The following SON variants were observed in gnomAD, a reference collection of about 807,000 sequenced individuals.
The protein encoded by SON is SON DNA and RNA binding protein.
In SON, 4 loss-of-function variants were observed where a neutral mutation model predicts 173.3. The observed-to-expected ratio is 0.02, with a 90% CI of 0.01 to 0.05. SON has a LOEUF of 0.05. SON is among the 10% of genes least tolerant of loss of function. The pLI is 1.00. For synonymous variants in SON, 1,190 were observed against 1,105.9 expected (o/e 1.08, Z -1.51); for missense variants, 2,626 against 3,055.3 (o/e 0.86, Z 3.31).
intron 8 of SON, chr21:33,572,181 TTATATATATA>T (rs72174733): frequency 7.0e-6 from 1 of 142,722 alleles, no homozygotes; most frequent in African/African-American, 2.6e-5. Context: ...TATTATATAT[TTATATATATA>T]TATATATATA....
At chr21:33,567,696 A>G (rs570156779) in intron 7 of SON, among the ~76,000 whole-genome samples, 26 of 151,982 alleles carry the variant, frequency 1.7e-4, no homozygotes, top group African/African-American at 6.3e-4. Context: ...GGTGGGGGCA[A>G]GGAGTCAGGA....
chr21:33,553,953 G>C lies in SON; in HGVS notation c.4722G>C (p.Gln1574His), dbSNP rs1176434717. Reference sequence around the variant, plus strand: ...TTTTGCCCACCAGTGAGACTAAACAGCGCACAGTATTGGATACCTACCCTG... The same window carrying C: ...TTTTGCCCACCAGTGAGACTAAACACCGCACAGTATTGGATACCTACCCTG... ...EKILPTSETK[Q>H]RTVLDTYPGV... Residue 1574 changes from glutamine to histidine, a missense_variant, in exon 3 of 12, where the codon CAG (glutamine) becomes CAC (histidine). Gln to His is a conservative substitution (Grantham distance 24). Around this residue, in one of 13 missense-constraint regions of SON, gnomAD observed 1,006 missense variants for 895.6 expected, o/e 1.12. Transcript: ENST00000356577. 5 of 1,614,006 alleles carry C rather than the reference G, an allele frequency of 3.1e-6. No homozygotes were observed. In the African/African-American group the frequency reaches 6.7e-5, roughly 22 times the overall value.
Position 33,559,961 on chromosome 21 carries a change from C to T in SON, c.6657+186C>T, listed in dbSNP as rs748700660. ...TTTGACAGTAACTCGATGCAATTCA[C>T]TTTGTGGAACCAAGCCACAAAGTGA... is the stretch of plus-strand genomic sequence containing the variant. On this transcript the variant is annotated intron_variant, in intron 6 of 11. Transcript: ENST00000356577. The surrounding 1 kb of genome is among the most constrained non-coding windows in gnomAD (Gnocchi z 4.1). 5 of 1,614,002 alleles carry T rather than the reference C, an allele frequency of 3.1e-6. No individual in the cohort carries two copies. The African/African-American group carries it at 4.0e-5, about 13-fold the overall frequency.
rs747205173 is a variant in SON, at chr21:33,551,340, A to T, written c.2109A>T (p.Val703=). The part of the protein sequence containing the change: ...TTLVGETSVT[V]GVDPLMAPES... ...TAGTGGGGGAGACTTCTGTAACAGTAGGAGTGGATCCCTTGATGGCCCCAG... is the reference window on the plus strand; with the variant it reads ...TAGTGGGGGAGACTTCTGTAACAGTTGGAGTGGATCCCTTGATGGCCCCAG... Residue 703 remains valine, a synonymous_variant, in exon 3 of 12, where the codon GTA becomes GTT. Transcript: ENST00000356577. The T allele has an allele frequency of 6.2e-7, 1 of 1,614,134 alleles. No homozygotes were observed. The highest frequency in any genetic ancestry group is 1.1e-5 in the South Asian group (1 of 91,090).
At chr21:33,561,829 TA>T (rs532042862) in intron 6 of SON, among the ~76,000 whole-genome samples, 112 of 152,304 alleles carry the variant, frequency 7.4e-4, no homozygotes, top group Admixed American at 1.2e-3. Context: ...TATTTTTTGT[TA>T]AAAAAATTTT....
Position 33,553,056 on chromosome 21 carries a change from T to G in SON, c.3825T>G (p.Val1275=). The change falls in exon 3 of 12, where the codon GTT becomes GTG. Residue 1275 remains valine, a synonymous_variant. Coordinates refer to ENST00000356577, the MANE Select transcript of SON (RefSeq NM_138927.4). The part of the protein sequence containing the change: ...ESAVVAEEHE[V]VPERPVTCMV... ...CAGTAGTAGCAGAAGAACATGAAGTTGTTCCAGAGAGACCAGTGACTTGTA... is the reference window on the plus strand; with the variant it reads ...CAGTAGTAGCAGAAGAACATGAAGTGGTTCCAGAGAGACCAGTGACTTGTA... 1.9e-6 allele frequency: 3 copies of G among 1,614,190 alleles called. No homozygotes were observed. Among genetic ancestry groups the G allele is most frequent in the Non-Finnish European group, 2.5e-6 (3 of 1,180,026 alleles).
At position 33,559,549 on chromosome 21, in the gene SON, C is replaced by A; in HGVS notation, c.6469-38C>A. 6.4e-7 allele frequency: 1 copy of A among 1,559,136 alleles called. No individual in the cohort carries two copies. Among genetic ancestry groups the A allele is most frequent in the Non-Finnish European group, 8.7e-7 (1 of 1,146,770 alleles). On this transcript the variant is annotated intron_variant, in intron 5 of 11. Coordinates refer to ENST00000356577, the MANE Select transcript of SON (RefSeq NM_138927.4). The surrounding 1 kb of genome is among the most constrained non-coding windows in gnomAD (Gnocchi z 4.1). ...ATCTCAAACCATTTAATGTAGATAT[C>A]ATATTGAGCTTTAATTAAGAAACAC...
chr21:33,555,396 G>GCCTCGT lies in SON; in HGVS notation c.6160+5_6160+6insCCTCGT. 3 of 1,504,630 alleles carry GCCTCGT rather than the reference G, an allele frequency of 2.0e-6. No homozygotes were observed. The highest frequency in any genetic ancestry group is 1.8e-6 in the Non-Finnish European group (2 of 1,121,670). The allele number at this position is 1,504,630 out of a possible 1,614,324, so 93.2% of individuals were successfully genotyped here. A position where few individuals can be genotyped will look rare whatever the true frequency, so the allele number is the denominator to read the frequency against. ...CCAAACGTCTGACAGATTTGGGTGA[G>GCCTCGT]TCATTTTAAAGTTTAATGGGATGGT... is the stretch of plus-strand genomic sequence containing the variant. On this transcript the variant is annotated splice_donor_region_variant and intron_variant, in intron 3 of 11. Transcript: ENST00000356577.
At chr21:33,543,469 C>A in intron 1 of SON, 1 of 422,828 alleles carries the variant, frequency 2.4e-6, no homozygotes, top group East Asian at 4.8e-5. Flanking sequence ...TACTCGTAGG[C>A]CCGGTTGTCC....
intron 3 of SON, among the ~76,000 whole-genome samples, chr21:33,556,772 C>T (rs1328585979): frequency 6.7e-6 from 1 of 150,316 alleles, no homozygotes; most frequent in Admixed American, 6.6e-5. Context: ...TTTAAGGTGT[C>T]AGAAGGAGAG....
chr21:33,549,328 C>T, intron 2 of SON, 148 bp from the exon 3 acceptor site: 1 of 582,992 alleles, frequency 1.7e-6, no homozygotes, highest in Non-Finnish European at 2.8e-6. Context: ...CTGCCTTGGC[C>T]TCTCAGAGTG....
Position 33,550,370 on chromosome 21 carries a change from C to G in SON, c.1139C>G (p.Ala380Gly). The change falls in exon 3 of 12, where the codon GCG becomes GGG. Residue 380 changes from alanine to glycine, a missense_variant. Ala to Gly is a moderately conservative substitution (Grantham distance 60). Transcript: ENST00000356577. ...LELQESSVAS[A>G]MELPGPPATS... ...CTGCAGGAGTCGTCGGTGGCCTCAGCGATGGAGTTGCCGGGGCCACCTGCG... is the reference window on the plus strand; with the variant it reads ...CTGCAGGAGTCGTCGGTGGCCTCAGGGATGGAGTTGCCGGGGCCACCTGCG... The G allele has an allele frequency of 6.2e-7, 1 of 1,614,090 alleles. No homozygotes were observed. Among genetic ancestry groups the G allele is most frequent in the Non-Finnish European group, 8.5e-7 (1 of 1,180,022 alleles).
rs1216839496 is a variant in SON at position 33,559,861 on chromosome 21, G to A, written c.6657+86G>A. 1 of 1,603,036 alleles carries A rather than the reference G, an allele frequency of 6.2e-7. No homozygotes were observed. Among genetic ancestry groups the A allele is most frequent in the Non-Finnish European group, 8.5e-7 (1 of 1,172,742 alleles). Reference sequence around the variant, plus strand: ...TTATGTTATGTCTGATTTGGATTCTGTTTCACTCTTCTTAGGGCCGGGTTA... The same window carrying A: ...TTATGTTATGTCTGATTTGGATTCTATTTCACTCTTCTTAGGGCCGGGTTA... On this transcript the variant is annotated intron_variant, in intron 6 of 11. Transcript: ENST00000356577. The surrounding 1 kb of genome is among the most constrained non-coding windows in gnomAD (Gnocchi z 4.1).
intron 1 of SON, chr21:33,543,451 C>T: frequency 2.2e-6 from 1 of 457,604 alleles, no homozygotes; most frequent in Non-Finnish European, 4.0e-6. Flanking sequence ...TCCCCCCTGC[C>T]GTTTAGCTAC....
chr21:33,555,468 G>A (rs903258833), intron 3 of SON, 77 bp downstream of exon 3: 2 of 1,313,542 alleles, frequency 1.5e-6, no homozygotes, highest in Non-Finnish European at 2.0e-6. Flanking sequence ...CTTGAGTCAA[G>A]TGAAATACTT....
rs2086236048 is a variant in SON, at chr21:33,569,383, T to C, written c.6885+296T>C. On this transcript the variant is annotated intron_variant, in intron 8 of 11. Coordinates refer to ENST00000356577, the MANE Select transcript of SON (RefSeq NM_138927.4). ...AACGCTAATAGTGTATCAGGTGCTG[T>C]TCAGAATATTCCACAGTTCCTGCTG... 3 of 357,532 alleles carry C rather than the reference T, an allele frequency of 8.4e-6. No individual in the cohort carries two copies. The Admixed American group carries it at 1.4e-4, about 17-fold the overall frequency. 22.1% of individuals were successfully genotyped at this position (357,532 alleles called of 1,614,324 possible). A position where few individuals can be genotyped will look rare whatever the true frequency, so the allele number is the denominator to read the frequency against.
rs946163855 is a variant in SON, at chr21:33,554,135, A to C, written c.4904A>C (p.Gln1635Pro). The C allele has an allele frequency of 5.6e-6, 9 of 1,614,100 alleles. No individual in the cohort carries two copies. Among genetic ancestry groups the C allele is most frequent in the Non-Finnish European group, 6.8e-6 (8 of 1,179,962 alleles). Residue 1635 changes from glutamine (Q) to proline (P), a missense_variant, in exon 3 of 12, where the codon CAA (glutamine) becomes CCA (proline). Gln to Pro is a moderately conservative substitution (Grantham distance 76). Around this residue, in one of 13 missense-constraint regions of SON, gnomAD observed 1,006 missense variants for 895.6 expected, o/e 1.12. Coordinates refer to ENST00000356577, the MANE Select transcript of SON (RefSeq NM_138927.4). ...KYDVDLSLTT[Q>P]DTEHDMVIST... ...GATGTTGATTTATCTTTAACTACTC[A>C]AGATACTGAACATGACATGGTAATT...
intron 8 of SON, among the ~76,000 whole-genome samples, chr21:33,570,460 A>C (rs1260654922): frequency 2.6e-5 from 4 of 152,208 alleles, no homozygotes; most frequent in African/African-American, 9.6e-5. Flanking sequence ...AAGTAGTTGC[A>C]CTGATGTGTA....
In SON at chr21:33,549,958, G is replaced by T. The variant is rs1314341511; in HGVS notation, c.727G>T (p.Asp243Tyr). Residue 243 changes from aspartate to tyrosine, a missense_variant, in exon 3 of 12, where the codon GAT becomes TAT. Around this residue, in one of 13 missense-constraint regions of SON, gnomAD observed 757 missense variants for 730.1 expected, o/e 1.04. Transcript: ENST00000356577. ...MPEPSMTKIL[D>Y]SFAAAPVPTT... ...AGAACCATCCATGACAAAGATTCTGGATTCCTTTGCAGCAGCACCAGTGCC... is the reference window on the plus strand; with the variant it reads ...AGAACCATCCATGACAAAGATTCTGTATTCCTTTGCAGCAGCACCAGTGCC... The T allele has an allele frequency of 1.2e-6, 2 of 1,614,170 alleles. No homozygotes were observed. Among genetic ancestry groups the T allele is most frequent in the Admixed American group, 3.3e-5 (2 of 60,032 alleles).
Sources: allele counts gnomAD v4.1 joint callset (sites outside exome capture counted in the v4.1 genomes callset), GRCh38; gene constraint gnomAD v4.1.1; regional missense constraint gnomAD v4.1.1; non-coding constraint Gnocchi (gnomAD v3.1); transcripts MANE v1.5; gene names NCBI Gene and HGNC (gene_info 2026-07-23, HGNC 2026-07-21).